NAALADL2: variants seen among roughly 807,000 people sequenced by gnomAD.
NAALADL2 encodes the protein inactive N-acetylated-alpha-linked acidic dipeptidase-like protein 2.
A neutral mutation model predicts 87.2 loss-of-function variants in NAALADL2; 76 were observed. The observed-to-expected ratio is 0.87, with a 90% CI of 0.72 to 1.05. The LOEUF (loss-of-function observed/expected upper bound fraction) is 1.05. NAALADL2 is among the 50% of genes least tolerant of loss of function. The pLI is 0.00. For missense variants in NAALADL2, 1,089 were observed against 945.8 expected (o/e 1.15, Z -1.99); for synonymous variants, 354 against 331.0 (o/e 1.07, Z -0.75).
chr3:175,161,323 G>GAA (rs35258764), intron 2 of NAALADL2, among the ~76,000 whole-genome samples: 2 of 144,796 alleles, frequency 1.4e-5, no homozygotes, highest in South Asian at 2.2e-4. Context: ...CTGCAAAACA[G>GAA]AAAAAAAAAA....
intron 1 of NAALADL2, among the ~76,000 whole-genome samples, chr3:174,998,388 C>G (rs903953443): frequency 6.6e-6 from 1 of 152,138 alleles, no homozygotes; most frequent in Non-Finnish European, 1.5e-5. Flanking sequence ...ATTTTATTTG[C>G]CTTTTGGGCC....
intron 11 of NAALADL2, among the ~76,000 whole-genome samples, chr3:175,733,747 A>C (rs1392862615): frequency 6.6e-6 from 1 of 151,278 alleles, no homozygotes; most frequent in African/African-American, 2.4e-5. Context: ...AAAGTTAGTT[A>C]CTTCTTAGAT....
At chr3:175,792,887 A>G (rs1752970050) in intron 13 of NAALADL2, among the ~76,000 whole-genome samples, 1 of 152,162 alleles carries the variant, frequency 6.6e-6, no homozygotes, top group Non-Finnish European at 1.5e-5. Flanking sequence ...AAGATGTGGC[A>G]TGTATAGATT....
chr3:175,466,531 G>A (rs1046859280), intron 7 of NAALADL2, among the ~76,000 whole-genome samples: 1 of 152,080 alleles, frequency 6.6e-6, no homozygotes, highest in Admixed American at 6.5e-5. Context: ...TTAATTCCCT[G>A]TGGAATTAAT....
At chr3:175,517,216 T>C (rs1014999602) in intron 9 of NAALADL2, among the ~76,000 whole-genome samples, 1 of 152,168 alleles carries the variant, frequency 6.6e-6, no homozygotes, top group Non-Finnish European at 1.5e-5. Flanking sequence ...TCATATCTGC[T>C]CCAATTTATC....
At chr3:175,115,819 C>T (rs1339799827) in intron 2 of NAALADL2, among the ~76,000 whole-genome samples, 6 of 151,624 alleles carry the variant, frequency 4.0e-5, no homozygotes, top group Non-Finnish European at 5.9e-5. Context: ...TGATGAACAT[C>T]GATGCAAAAA....
chr3:174,786,034 A>G (rs1315280719), intron 3 of NAALADL2, among the ~76,000 whole-genome samples: 1 of 152,120 alleles, frequency 6.6e-6, no homozygotes. Flanking sequence ...CTTTATACCA[A>G]CTTTTAGTTA....
chr3:174,564,911 A>G (rs906959780), intron 2 of NAALADL2, among the ~76,000 whole-genome samples: 4 of 151,856 alleles, frequency 2.6e-5, no homozygotes, highest in East Asian at 1.9e-4. Context: ...CTATAGGTGA[A>G]TTTTTGGTAT....
intron 4 of NAALADL2, among the ~76,000 whole-genome samples, chr3:175,323,457 G>A (rs1255361179): frequency 6.6e-6 from 1 of 151,570 alleles, no homozygotes; most frequent in Non-Finnish European, 1.5e-5. Context: ...CCTGCACAAT[G>A]TGCACATGTA....
intron 3 of NAALADL2, among the ~76,000 whole-genome samples, chr3:174,800,671 A>G (rs1445320518): frequency 6.6e-6 from 1 of 152,150 alleles, no homozygotes; most frequent in Non-Finnish European, 1.5e-5. Context: ...CTGGAATGCT[A>G]GATCCACCAA....
chr3:175,444,490 G>C (rs140575013), intron 5 of NAALADL2, among the ~76,000 whole-genome samples: 66 of 152,240 alleles, frequency 4.3e-4, no homozygotes, highest in African/African-American at 1.5e-3. Flanking sequence ...ACCTCAGTAG[G>C]TTGTACAACT....
intron 3 of NAALADL2, among the ~76,000 whole-genome samples, chr3:174,782,617 A>T (rs1716125699): frequency 6.6e-6 from 1 of 151,986 alleles, no homozygotes; most frequent in African/African-American, 2.4e-5. Context: ...GAAATACCCG[A>T]GACTGCGTAA....
chr3:174,504,010 A>G (rs1028013036), intron 1 of NAALADL2, among the ~76,000 whole-genome samples: 1 of 152,140 alleles, frequency 6.6e-6, no homozygotes, highest in Non-Finnish European at 1.5e-5. Flanking sequence ...TTTGCATATT[A>G]TTCTAGAACT....
chr3:174,791,317 C>A (rs1717431120), intron 3 of NAALADL2, among the ~76,000 whole-genome samples: 2 of 152,104 alleles, frequency 1.3e-5, no homozygotes, highest in Non-Finnish European at 2.9e-5. Context: ...ATGTTGAAAT[C>A]CTAACACCAA....
At chr3:175,234,300 C>G in intron 3 of NAALADL2, 96 bp downstream of exon 3, 11 of 1,274,106 alleles carry the variant, frequency 8.6e-6, no homozygotes, top group Non-Finnish European at 1.1e-5. Context: ...ATGCAACATA[C>G]AAAAGTAACC....
chr3:175,150,293 C>A (rs777711455), intron 2 of NAALADL2, among the ~76,000 whole-genome samples: 2 of 152,084 alleles, frequency 1.3e-5, no homozygotes, highest in Non-Finnish European at 2.9e-5. Flanking sequence ...GATAGCAGTA[C>A]CTCTCTTGGT....
At chr3:175,494,921 A>G (rs1016846326) in intron 9 of NAALADL2, among the ~76,000 whole-genome samples, 3 of 151,346 alleles carry the variant, frequency 2.0e-5, no homozygotes, top group African/African-American at 7.3e-5. Context: ...CAAATTCCTT[A>G]TTTTTTCAAG....
intron 11 of NAALADL2, among the ~76,000 whole-genome samples, chr3:175,671,283 G>C (rs1057209646): frequency 6.6e-6 from 1 of 151,672 alleles, no homozygotes; most frequent in Admixed American, 6.6e-5. Context: ...CTATTTTGTT[G>C]GATATATCTG....
intron 5 of NAALADL2, among the ~76,000 whole-genome samples, chr3:175,365,241 G>A (rs567901273): frequency 1.1e-4 from 16 of 147,478 alleles, no homozygotes; most frequent in Non-Finnish European, 1.8e-4. Flanking sequence ...AAAGATGAGT[G>A]TGTGGGCTAC....
Sources: allele counts gnomAD v4.1 joint callset (sites outside exome capture counted in the v4.1 genomes callset), GRCh38; gene constraint gnomAD v4.1.1; transcripts MANE v1.5; gene names NCBI Gene and HGNC (gene_info 2026-07-23, HGNC 2026-07-21).